The following TENM3 variants were observed in gnomAD, a reference collection of about 807,000 sequenced individuals.
TENM3 encodes the protein teneurin-3.
TENM3 carries 63 observed loss-of-function variants against 255.1 expected under a neutral mutation model. That is an observed-to-expected ratio of 0.25 (90% CI 0.20 to 0.30). TENM3 has a LOEUF of 0.30. TENM3 is among the 10% of genes least tolerant of loss of function. The probability of loss-of-function intolerance (pLI) is 1.00; values close to 1 mark genes in which losing one functional copy is unlikely to be tolerated. For missense variants in TENM3, 2,929 were observed against 3,461.1 expected, an observed-to-expected ratio of 0.85 and a Z score of 3.86; for synonymous variants, 1,306 against 1,322.3, an observed-to-expected ratio of 0.99 and a Z score of 0.27.
the TENM3 span, among the ~76,000 whole-genome samples, chr4:181,884,686 AAAT>A: frequency 6.6e-6 from 1 of 152,194 alleles, no homozygotes; most frequent in East Asian, 1.9e-4. Flanking sequence ...TCTTTTAAAA[AAAT>A]AATCTAATCT....
intron 1 of TENM3, among the ~76,000 whole-genome samples, chr4:182,230,087 A>G (rs2150008986): frequency 6.6e-6 from 1 of 151,606 alleles, no homozygotes. Context: ...AGATATAAGC[A>G]GACAGAGAAA....
chr4:182,105,949 C>T, the TENM3 span, among the ~76,000 whole-genome samples: 9 of 152,326 alleles, frequency 5.9e-5, no homozygotes, highest in South Asian at 2.1e-4. Flanking sequence ...ATGCATGTAA[C>T]GAAACTGCAC....
intron 3 of TENM3, among the ~76,000 whole-genome samples, chr4:182,451,810 A>G (rs1453277802): frequency 1.3e-5 from 2 of 152,234 alleles, no homozygotes; most frequent in African/African-American, 4.8e-5. Flanking sequence ...CTGATCAGCA[A>G]TTAAGAGACT....
At chr4:182,504,451 C>T (rs917189128) in intron 3 of TENM3, among the ~76,000 whole-genome samples, 1 of 32,502 alleles carries the variant, frequency 3.1e-5, no homozygotes, top group African/African-American at 8.9e-5. Context: ...GAGTTAAGTC[C>T]TCTGTAAAAG....
intron 3 of TENM3, among the ~76,000 whole-genome samples, chr4:182,415,441 A>G (rs1438997256): frequency 2.6e-5 from 4 of 152,216 alleles, no homozygotes; most frequent in Admixed American, 6.5e-5. Context: ...GAGGTAATAT[A>G]CATCTATTAG....
chr4:181,926,353 A>G, the TENM3 span, among the ~76,000 whole-genome samples: 1 of 152,202 alleles, frequency 6.6e-6, no homozygotes, highest in African/African-American at 2.4e-5. Flanking sequence ...TAAAGAAGAG[A>G]AGAAAGTTCT....
chr4:182,674,147 A>C (rs1273188700), intron 7 of TENM3, among the ~76,000 whole-genome samples: 1 of 152,182 alleles, frequency 6.6e-6, no homozygotes, highest in African/African-American at 2.4e-5. Context: ...TAATCAGTTT[A>C]TTTACCTAGA....
At chr4:182,361,619 G>T (rs1029452029) in intron 3 of TENM3, among the ~76,000 whole-genome samples, 10 of 151,500 alleles carry the variant, frequency 6.6e-5, no homozygotes, top group African/African-American at 2.4e-4. Flanking sequence ...TTATACATTC[G>T]TCTAAATTTT....
intron 1 of TENM3, among the ~76,000 whole-genome samples, chr4:182,158,426 G>C (rs1750866662): frequency 6.6e-6 from 1 of 152,196 alleles, no homozygotes; most frequent in Admixed American, 6.5e-5. Flanking sequence ...TGAGCAGTAG[G>C]TCTCCAGCAG....
the TENM3 span, among the ~76,000 whole-genome samples, chr4:181,541,412 T>G: frequency 6.6e-6 from 1 of 152,002 alleles, no homozygotes; most frequent in South Asian, 2.1e-4. Flanking sequence ...GTTCAAAATC[T>G]AGAACAATTG....
chr4:181,640,839 C>A, the TENM3 span, among the ~76,000 whole-genome samples: 3 of 152,296 alleles, frequency 2.0e-5, no homozygotes, highest in Admixed American at 6.5e-5. Context: ...GGTTGGGCAA[C>A]CCTTTCCTCC....
the TENM3 span, among the ~76,000 whole-genome samples, chr4:181,661,051 C>T: frequency 2.3e-4 from 35 of 152,066 alleles, no homozygotes; most frequent in Non-Finnish European, 3.5e-4. Context: ...GGACCCCAAA[C>T]GTAAGTATGT....
chr4:181,896,554 C>T, the TENM3 span, among the ~76,000 whole-genome samples: 51 of 152,254 alleles, frequency 3.3e-4, no homozygotes, highest in Non-Finnish European at 7.2e-4. Flanking sequence ...CATCTCAAAG[C>T]CAGGTGGGAA....
chr4:181,844,933 A>G, the TENM3 span, among the ~76,000 whole-genome samples: 15 of 152,346 alleles, frequency 9.8e-5, no homozygotes, highest in African/African-American at 3.1e-4. Context: ...AACAAACTGC[A>G]TAGTGTTCCA....
the TENM3 span, among the ~76,000 whole-genome samples, chr4:181,484,104 C>G: frequency 5.9e-5 from 9 of 151,984 alleles, no homozygotes; most frequent in Non-Finnish European, 1.0e-4. Context: ...ATTTCCAGCC[C>G]TCGCATGTGT....
intron 3 of TENM3, among the ~76,000 whole-genome samples, chr4:182,467,727 G>A (rs1429883648): frequency 6.6e-6 from 1 of 152,194 alleles, no homozygotes; most frequent in Non-Finnish European, 1.5e-5. Context: ...ACCCCTGCCA[G>A]TAGGAGAGTC....
At chr4:182,742,965 G>C (rs917942717) in intron 18 of TENM3, among the ~76,000 whole-genome samples, 3 of 152,204 alleles carry the variant, frequency 2.0e-5, no homozygotes, top group African/African-American at 7.2e-5. Context: ...AGACAGCACT[G>C]TTGGTATATA....
the TENM3 span, among the ~76,000 whole-genome samples, chr4:181,637,613 C>T: frequency 1.3e-5 from 2 of 152,194 alleles, no homozygotes; most frequent in African/African-American, 2.4e-5. Flanking sequence ...CAAGGCTCCA[C>T]CCTCCTGACC....
At chr4:182,060,789 T>G in the TENM3 span, among the ~76,000 whole-genome samples, 1 of 152,210 alleles carries the variant, frequency 6.6e-6, no homozygotes, top group Non-Finnish European at 1.5e-5. Context: ...TAAACCAAAA[T>G]GAATGTTTCT....
Sources: allele counts gnomAD v4.1 joint callset (sites outside exome capture counted in the v4.1 genomes callset), GRCh38; gene constraint gnomAD v4.1.1; transcripts MANE v1.5; gene names NCBI Gene and HGNC (gene_info 2026-07-23, HGNC 2026-07-21).